Variants in MYO9A observed in about 807,000 individuals in gnomAD.
MYO9A encodes unconventional myosin-IXa.
MYO9A carries 103 observed loss-of-function variants against 293.3 expected under a neutral mutation model. The ratio of observed to expected loss-of-function variants is 0.35; its 90% confidence interval spans 0.30 to 0.41. The LOEUF is 0.41. Ranked by LOEUF, MYO9A falls within the 10% of genes least tolerant of loss-of-function variation. The pLI is 1.00. For synonymous variants in MYO9A, 1,001 were observed against 1,035.7 expected (o/e 0.97, Z 0.64); for missense variants, 2,685 against 3,033.0 (o/e 0.89, Z 2.69).
rs1202905074 is a variant in MYO9A, at chr15:71,878,121, C to T, written c.5850G>A (p.Val1950=). The T allele has an allele frequency of 6.2e-7, 1 of 1,612,142 alleles. No individual in the cohort carries two copies. Among genetic ancestry groups the T allele is most frequent in the Non-Finnish European group, 8.5e-7 (1 of 1,179,462 alleles). ...CTTTAAAAGTGTTGACCCAAACTCT[C>T]ACTGGAGATTCACCCAGTGAATCAC... ...EQRDSLGESP[V]RVWVNTFKVF... Residue 1950 remains valine, a synonymous_variant, in exon 31 of 42, where the codon GTG becomes GTA. Transcript: ENST00000356056.
Position 71,991,201 on chromosome 15 carries a change from C to T in MYO9A, c.1624G>A (p.Glu542Lys). 1 of 1,607,664 alleles carries T rather than the reference C, an allele frequency of 6.2e-7. No individual in the cohort carries two copies. The highest frequency in any genetic ancestry group is 8.5e-7 in the Non-Finnish European group (1 of 1,177,070). ...TCAAAGCTGTTATTTTCATAATCTT[C>T]AAACCCAAAAATATCAAGAACACCA... Reference protein sequence around the residue: ...SIGVLDIFGFEDYENNSFEQF... With the variant: ...SIGVLDIFGFKDYENNSFEQF... Residue 542 changes from glutamate (E) to lysine (K), a missense_variant, in exon 11 of 42, where the codon GAA (glutamate) becomes AAA (lysine). Coordinates refer to ENST00000356056, the MANE Select transcript of MYO9A (RefSeq NM_006901.4).
intron 19 of MYO9A, among the ~76,000 whole-genome samples, chr15:71,906,758 CTTTTTTT>C (rs71131714): frequency 1.6e-5 from 1 of 61,012 alleles, no homozygotes; most frequent in Admixed American, 2.2e-4. Flanking sequence ...CCATTTCTTT[CTTTTTTT>C]TTTTTTTTTT....
chr15:71,915,399 T>C (rs1596182149), intron 19 of MYO9A, among the ~76,000 whole-genome samples: 1 of 152,018 alleles, frequency 6.6e-6, no homozygotes, highest in African/African-American at 2.4e-5. Context: ...AATGAGTTAT[T>C]TGGCTCCTTG....
chr15:71,864,415 G>T (rs779923645), intron 32 of MYO9A, among the ~76,000 whole-genome samples: 1 of 152,184 alleles, frequency 6.6e-6, no homozygotes, highest in African/African-American at 2.4e-5. Flanking sequence ...TTGGAAAACA[G>T]CATGGCAGTT....
intron 11 of MYO9A, among the ~76,000 whole-genome samples, chr15:71,982,627 C>G (rs1197875049): frequency 6.6e-6 from 1 of 152,230 alleles, no homozygotes; most frequent in Non-Finnish European, 1.5e-5. Context: ...ACATTCTGCT[C>G]TGAAGGACAG....
chr15:72,073,728 A>C (rs938176262), intron 1 of MYO9A, among the ~76,000 whole-genome samples: 17 of 152,182 alleles, frequency 1.1e-4, no homozygotes, highest in Admixed American at 3.9e-4. Flanking sequence ...TTACAGACCA[A>C]ATTGAGGTAT....
At chr15:72,086,707 G>A (rs1259929359) in intron 1 of MYO9A, among the ~76,000 whole-genome samples, 1 of 152,044 alleles carries the variant, frequency 6.6e-6, no homozygotes, top group Non-Finnish European at 1.5e-5. Context: ...TAGGGGAAGG[G>A]AGCAGGCAGG....
At chr15:72,049,681 T>C (rs150887439) in intron 1 of MYO9A, among the ~76,000 whole-genome samples, 227 of 152,342 alleles carry the variant, frequency 1.5e-3, no homozygotes, top group African/African-American at 4.7e-3. Flanking sequence ...TTAAGCACTA[T>C]TGTGAACTGC....
intron 1 of MYO9A, among the ~76,000 whole-genome samples, chr15:72,068,781 C>A (rs1165381220): frequency 6.6e-6 from 1 of 152,060 alleles, no homozygotes; most frequent in Non-Finnish European, 1.5e-5. Context: ...CCAGCCATAT[C>A]CCAATTTCTT....
At chr15:72,067,097 TAATATA>T (rs1417266605) in intron 1 of MYO9A, among the ~76,000 whole-genome samples, 1 of 84,122 alleles carries the variant, frequency 1.2e-5, no homozygotes, top group Non-Finnish European at 3.3e-5. Context: ...ATATATTACA[TAATATA>T]ATCTTATATG....
chr15:72,021,024 G>T lies in MYO9A; in HGVS notation c.999-7C>A. 1 of 1,525,218 alleles carries T rather than the reference G, an allele frequency of 6.6e-7. No individual in the cohort carries two copies. Among genetic ancestry groups the T allele is most frequent in the Non-Finnish European group, 8.8e-7 (1 of 1,137,118 alleles). The allele number at this position is 1,525,218 out of a possible 1,614,324, so 94.5% of individuals were successfully genotyped here. On this transcript the variant is annotated splice_region_variant and splice_polypyrimidine_tract_variant and intron_variant, in intron 4 of 41. Coordinates refer to ENST00000356056, the MANE Select transcript of MYO9A (RefSeq NM_006901.4). The stretch of plus-strand genomic sequence containing the variant: ...ATAGAATACATGATAGTTCCTGTGG[G>T]AAACAAAGAAGTACAAGTTTCATAA...
chr15:71,903,053 C>T lies in MYO9A; in HGVS notation c.2888G>A (p.Ser963Asn), dbSNP rs754438859. 8 of 1,591,646 alleles carry T rather than the reference C, an allele frequency of 5.0e-6. No homozygotes were observed. Among genetic ancestry groups the T allele is most frequent in the Non-Finnish European group, 2.6e-6 (3 of 1,166,746 alleles). Residue 963 changes from serine to asparagine, a missense_variant, in exon 22 of 42, where the codon AGC becomes AAC. Ser to Asn is a conservative substitution (Grantham distance 46). Coordinates refer to ENST00000356056, the MANE Select transcript of MYO9A (RefSeq NM_006901.4). Reference sequence around the variant, plus strand: ...TCGGGGAAGAAGTACATGGAAGTGGCTCACAAAATCCTGAAAAATAATTTA... The same window carrying T: ...TCGGGGAAGAAGTACATGGAAGTGGTTCACAAAATCCTGAAAAATAATTTA... ...SSKYSFQDFV[S>N]HFHVLLPRNI... is the part of the protein sequence containing the mutation.
At chr15:71,870,548 T>A (rs1032258694) in intron 32 of MYO9A, among the ~76,000 whole-genome samples, 1 of 152,128 alleles carries the variant, frequency 6.6e-6, no homozygotes, top group Non-Finnish European at 1.5e-5. Context: ...AAAGAGAGAC[T>A]AAAAATTTAA....
At chr15:71,896,217 A>G (rs1222484913) in intron 25 of MYO9A, among the ~76,000 whole-genome samples, 2 of 152,232 alleles carry the variant, frequency 1.3e-5, no homozygotes, top group Admixed American at 6.5e-5. Flanking sequence ...TCTAAAATCC[A>G]TATGAAATTT....
chr15:71,826,840 C>T lies in MYO9A; in HGVS notation c.7387G>A (p.Ala2463Thr). The T allele has an allele frequency of 1.2e-6, 2 of 1,614,134 alleles. No homozygotes were observed. Among genetic ancestry groups the T allele is most frequent in the Non-Finnish European group, 1.7e-6 (2 of 1,180,000 alleles). Residue 2463 changes from alanine (A) to threonine (T), a missense_variant, in exon 42 of 42, where the codon GCC becomes ACC. By Grantham distance (58) the Ala-to-Thr change is moderately conservative. Coordinates refer to ENST00000356056, the MANE Select transcript of MYO9A (RefSeq NM_006901.4). ...ATTCCCAGGGCCTCATTACCTGAGG[C>T]AGCTCGGTAGAATGGAGATTTGGAA... The part of the protein sequence containing the change: ...IYSKSPFYRA[A>T]SGNEALGMEG...
intron 1 of MYO9A, among the ~76,000 whole-genome samples, chr15:72,074,423 A>AAAC (rs904398554): frequency 6.6e-6 from 1 of 152,204 alleles, no homozygotes; most frequent in Non-Finnish European, 1.5e-5. Flanking sequence ...AGTCTGAAAA[A>AAAC]AACAACAACA....
chr15:71,990,888 C>T (rs2076527610), intron 11 of MYO9A, among the ~76,000 whole-genome samples: 1 of 152,130 alleles, frequency 6.6e-6, no homozygotes, highest in South Asian at 2.1e-4. Flanking sequence ...CATTTCTAAT[C>T]CCATCAGTTG....
chr15:72,114,351 CAACA>C (rs1258619458), intron 1 of MYO9A: 2 of 152,050 alleles, frequency 1.3e-5, no homozygotes, highest in Non-Finnish European at 2.9e-5. Context: ...TACAGAAGCC[CAACA>C]AACAGATATT....
intron 1 of MYO9A, among the ~76,000 whole-genome samples, chr15:72,090,479 C>G (rs1016008442): frequency 1.3e-5 from 2 of 152,162 alleles, no homozygotes; most frequent in African/African-American, 4.8e-5. Flanking sequence ...GCCTAACAAC[C>G]TATAAATGTC....
Sources: gnomAD v4.1 joint callset for allele counts (sites outside exome capture counted in the v4.1 genomes callset) on GRCh38, gnomAD v4.1.1 for gene constraint, MANE v1.5 for transcripts, NCBI Gene and HGNC (gene_info 2026-07-23, HGNC 2026-07-21) for gene names.